SCAPER: variants seen among roughly 807,000 people sequenced by gnomAD.
The protein encoded by SCAPER is S phase cyclin A-associated protein in the endoplasmic reticulum.
SCAPER carries 98 observed loss-of-function variants against 182.2 expected under a neutral mutation model. The ratio of observed to expected loss-of-function variants is 0.54; its 90% CI spans 0.46 to 0.64. SCAPER has a LOEUF of 0.64. Ranked by LOEUF, SCAPER falls within the 30% of genes least tolerant of loss-of-function variation. The probability of loss-of-function intolerance (pLI) is 0.00; values close to 1 mark genes in which losing one functional copy is unlikely to be tolerated. For missense variants in SCAPER, 1,432 were observed against 1,690.0 expected (o/e 0.85, Z 2.68); for synonymous variants, 605 against 564.6 (o/e 1.07, Z -1.01).
At chr15:76,565,702 T>C (rs895840803) in intron 23 of SCAPER, among the ~76,000 whole-genome samples, 1 of 152,154 alleles carries the variant, frequency 6.6e-6, no homozygotes, top group African/African-American at 2.4e-5. Flanking sequence ...TCTCAACACC[T>C]GCTTTTTGTT....
chr15:76,864,940 G>A (rs2072158528), intron 2 of SCAPER, among the ~76,000 whole-genome samples: 1 of 151,914 alleles, frequency 6.6e-6, no homozygotes, highest in African/African-American at 2.4e-5. Flanking sequence ...TTTTCCTGAA[G>A]CATTTGAGAA....
intron 23 of SCAPER, among the ~76,000 whole-genome samples, chr15:76,508,252 C>T (rs1000379837): frequency 6.6e-6 from 1 of 152,088 alleles, no homozygotes; most frequent in Non-Finnish European, 1.5e-5. Context: ...GTATTTCATT[C>T]ATTTTCTTTG....
intron 13 of SCAPER, 52 bp from the exon 14 acceptor site, chr15:76,765,124 C>T: frequency 1.5e-6 from 2 of 1,321,616 alleles, no homozygotes; most frequent in South Asian, 2.7e-5. Context: ...CATGATAAGG[C>T]CAGAAAAAGT....
intron 27 of SCAPER, among the ~76,000 whole-genome samples, chr15:76,403,280 C>T (rs151098884): frequency 2.3e-3 from 347 of 152,336 alleles, no homozygotes; most frequent in Non-Finnish European, 3.6e-3. Flanking sequence ...CCTGATCCTA[C>T]GTAGGTCACA....
At chr15:76,462,469 A>G (rs2049264002) in intron 25 of SCAPER, among the ~76,000 whole-genome samples, 1 of 152,152 alleles carries the variant, frequency 6.6e-6, no homozygotes, top group Non-Finnish European at 1.5e-5. Flanking sequence ...TACATCTTCC[A>G]TATGTGCTTA....
At chr15:76,735,406 A>G (rs2061189622) in intron 15 of SCAPER, among the ~76,000 whole-genome samples, 2 of 152,034 alleles carry the variant, frequency 1.3e-5, no homozygotes, top group Non-Finnish European at 2.9e-5. Context: ...GGAAGAAAAT[A>G]ATAACCTGTG....
chr15:76,355,396 ACT>A (rs2040884147), intron 29 of SCAPER, among the ~76,000 whole-genome samples: 1 of 152,290 alleles, frequency 6.6e-6, no homozygotes, highest in South Asian at 2.1e-4. Context: ...GCCATTTCTG[ACT>A]CTGGCTGAGA....
At chr15:76,636,223 G>A (rs2053589775) in intron 21 of SCAPER, among the ~76,000 whole-genome samples, 1 of 152,176 alleles carries the variant, frequency 6.6e-6, no homozygotes, top group South Asian at 2.1e-4. Context: ...CACACTGAGT[G>A]TGTCATCTCA....
At chr15:76,886,502 A>T (rs1000441475) in intron 1 of SCAPER, among the ~76,000 whole-genome samples, 1 of 152,172 alleles carries the variant, frequency 6.6e-6, no homozygotes, top group Admixed American at 6.5e-5. Flanking sequence ...ATAAAAATTT[A>T]AAAAAACATA....
At chr15:76,748,152 C>T (rs1043434552) in intron 15 of SCAPER, among the ~76,000 whole-genome samples, 15 of 151,812 alleles carry the variant, frequency 9.9e-5, no homozygotes, top group South Asian at 4.2e-4. Context: ...CACCATGCCG[C>T]GCTAATTTTG....
intron 20 of SCAPER, among the ~76,000 whole-genome samples, chr15:76,689,523 C>T (rs1567807897): frequency 6.6e-6 from 1 of 151,764 alleles, no homozygotes; most frequent in African/African-American, 2.4e-5. Context: ...CTCAAGAACA[C>T]CTGGAAAATC....
rs534161345 is a variant in SCAPER, at chr15:76,607,831, C to T, written c.2711+13933G>A. Among the ~76,000 whole-genome samples, 6 of 152,294 alleles carry T rather than the reference C, an allele frequency of 3.9e-5. No homozygotes were observed. The South Asian group carries it at 6.2e-4, about 16-fold the overall frequency. On this transcript the variant is annotated intron_variant, in intron 22 of 31. Coordinates refer to ENST00000563290, the MANE Select transcript of SCAPER (RefSeq NM_020843.4). ...CATCGGCTACTGAGGCTTCTGCATT[C>T]GTCACGTAGCTCTTGTGCCTTGGTT...
At chr15:76,621,850 AAC>A (rs1389211162) in intron 21 of SCAPER, 21 bp from the exon 22 acceptor site, 23 of 1,560,240 alleles carry the variant, frequency 1.5e-5, no homozygotes, top group Non-Finnish European at 1.8e-5. Flanking sequence ...AAAAAGTTTT[AAC>A]ACAGTTATTT....
chr15:76,360,906 A>G (rs1251365876), intron 29 of SCAPER, among the ~76,000 whole-genome samples: 1 of 152,122 alleles, frequency 6.6e-6, no homozygotes, highest in Non-Finnish European at 1.5e-5. Context: ...TGCCTTCTGG[A>G]GCAGCCTTGA....
intron 2 of SCAPER, among the ~76,000 whole-genome samples, chr15:76,880,766 TTCA>T (rs2073482800): frequency 6.6e-6 from 1 of 150,752 alleles, no homozygotes; most frequent in South Asian, 2.1e-4. Flanking sequence ...TACCTTTAGG[TTCA>T]AAAAAGAAAA....
chr15:76,804,995 G>A lies in SCAPER; in HGVS notation c.394-362C>T, dbSNP rs975035919. 4.6e-5 allele frequency among the ~76,000 whole-genome samples: 7 copies of A among 152,220 alleles called. No individual in the cohort carries two copies. In the South Asian group the frequency reaches 1.2e-3, roughly 27 times the overall value. ...AGGCTGAGGCAGGAGAATTGCTTAA[G>A]TCCAGGAGTTCAAGACCAACCTGGG... On this transcript the variant is annotated intron_variant, in intron 5 of 31. Coordinates refer to ENST00000563290, the MANE Select transcript of SCAPER (RefSeq NM_020843.4).
intron 20 of SCAPER, among the ~76,000 whole-genome samples, chr15:76,666,746 T>C (rs2056601499): frequency 6.6e-6 from 1 of 152,192 alleles, no homozygotes; most frequent in African/African-American, 2.4e-5. Context: ...CATCTCTCAG[T>C]TCATGACTAT....
intron 21 of SCAPER, among the ~76,000 whole-genome samples, chr15:76,648,685 A>G (rs1394317859): frequency 1.3e-5 from 2 of 152,232 alleles, no homozygotes; most frequent in African/African-American, 4.8e-5. Context: ...TTTTAATAAA[A>G]AAGCAGCCCC....
At chr15:76,467,562 AT>A (rs1238073658) in intron 25 of SCAPER, among the ~76,000 whole-genome samples, 1 of 151,950 alleles carries the variant, frequency 6.6e-6, no homozygotes, top group Non-Finnish European at 1.5e-5. Flanking sequence ...GTATGATCGA[AT>A]TAAACTTCTT....
Sources: gnomAD v4.1 joint callset for allele counts (sites outside exome capture counted in the v4.1 genomes callset) on GRCh38, gnomAD v4.1.1 for gene constraint, MANE v1.5 for transcripts, NCBI Gene and HGNC (gene_info 2026-07-23, HGNC 2026-07-21) for gene names.